SPAG9: variants seen among roughly 807,000 people sequenced by gnomAD.
SPAG9 encodes the protein sperm associated antigen 9.
A neutral mutation model predicts 166.5 loss-of-function variants in SPAG9; 35 were observed. That is an observed-to-expected ratio of 0.21 (90% CI 0.16 to 0.28). The LOEUF is 0.28. Ranked by LOEUF, SPAG9 falls within the 10% of genes least tolerant of loss-of-function variation. SPAG9 has a pLI of 1.00. For synonymous variants in SPAG9, 534 were observed against 565.5 expected (o/e 0.94, Z 0.79); for missense variants, 1,235 against 1,603.3 (o/e 0.77, Z 3.92).
rs2049456803 is a variant in SPAG9 at position 51,120,783 on chromosome 17, T to TGGGCCC, written c.-133_-128dup. On this transcript the variant is annotated 5_prime_UTR_variant, in exon 1 of 30. Transcript: ENST00000262013. This position sits in a 1 kb window ranked among gnomAD's most constrained non-coding sequence, Gnocchi z 4.7. ...CTGGAGCCCGGGCCGGGGCTGGGGCTGGGCCCGGCGGGGTGGGGGCCGGGG... is the reference window on the plus strand; with the variant it reads ...CTGGAGCCCGGGCCGGGGCTGGGGCTGGGCCCGGGCCCGGCGGGGTGGGGGCCGGGG... The TGGGCCC allele has an allele frequency of 1.4e-6, 1 of 731,186 alleles. No individual in the cohort carries two copies. Among genetic ancestry groups the TGGGCCC allele is most frequent in the East Asian group, 3.4e-5 (1 of 29,030 alleles). 45.3% of individuals were successfully genotyped at this position (731,186 alleles called of 1,614,324 possible).
Position 51,014,475 on chromosome 17 carries a change from A to G in SPAG9, c.1092-122T>C, listed in dbSNP as rs1051737084. On this transcript the variant is annotated intron_variant, in intron 8 of 29. Coordinates refer to ENST00000262013, the MANE Select transcript of SPAG9 (RefSeq NM_001130528.3). ...TTACCTATAATTTACGTTTACTAGA[A>G]AATATAACTTAAAAAGATTTCTCAA... 3.9e-6 allele frequency: 3 copies of G among 772,384 alleles called. No individual in the cohort carries two copies. In the African/African-American group the frequency reaches 5.4e-5, roughly 14 times the overall value. 47.8% of individuals were successfully genotyped at this position (772,384 alleles called of 1,614,324 possible). A position where few individuals can be genotyped will look rare whatever the true frequency, so the allele number is the denominator to read the frequency against.
intron 27 of SPAG9, chr17:50,976,538 T>C (rs938108390): frequency 6.5e-6 from 1 of 153,144 alleles, no homozygotes; most frequent in Non-Finnish European, 1.5e-5. Context: ...AACCATTCCC[T>C]GCCATGAATT....
At chr17:50,978,486 G>T (rs1974349732) in intron 26 of SPAG9, among the ~76,000 whole-genome samples, 1 of 152,182 alleles carries the variant, frequency 6.6e-6, no homozygotes, top group South Asian at 2.1e-4. Context: ...TAGGTCAGGT[G>T]CTAAAGATAG....
At chr17:50,982,470 G>T in intron 25 of SPAG9, 54 bp downstream of exon 25, 1 of 1,507,702 alleles carries the variant, frequency 6.6e-7, no homozygotes, top group Non-Finnish European at 9.0e-7. Flanking sequence ...TAGTCTAATA[G>T]TCTTCGGATA....
At position 50,989,848 on chromosome 17, in the gene SPAG9, A is replaced by G. The variant is rs375605862; in HGVS notation, c.2642T>C (p.Val881Ala). ...PPEMEAENSE[V>A]DENVPTAEEA... Reference sequence around the variant, plus strand: ...TTCTGCTGTTGGAACATTTTCATCAACCTCACTATTTTCTGCTTCCATTTC... The same window carrying G: ...TTCTGCTGTTGGAACATTTTCATCAGCCTCACTATTTTCTGCTTCCATTTC... The change falls in exon 21 of 30, where the codon GTT (valine) becomes GCT (alanine). Residue 881 changes from valine (V) to alanine (A), a missense_variant. Val to Ala is a moderately conservative substitution (Grantham distance 64). Transcript: ENST00000262013. 1.5e-5 allele frequency: 24 copies of G among 1,613,964 alleles called. No individual in the cohort carries two copies. The highest frequency in any genetic ancestry group is 8.9e-5 in the East Asian group (4 of 44,876).
chr17:51,084,953 C>A (rs1220302840), intron 1 of SPAG9, among the ~76,000 whole-genome samples: 1 of 152,078 alleles, frequency 6.6e-6, no homozygotes, highest in East Asian at 1.9e-4. Context: ...CAGGTTCAAG[C>A]AATTCTCGTG....
intron 25 of SPAG9, 52 bp downstream of exon 25, chr17:50,982,472 C>G: frequency 6.6e-7 from 1 of 1,524,244 alleles, no homozygotes; most frequent in Non-Finnish European, 8.9e-7. Context: ...GTCTAATAGT[C>G]TTCGGATAAT....
At chr17:51,031,532 G>A in intron 6 of SPAG9, 149 bp downstream of exon 6, 2 of 655,920 alleles carry the variant, frequency 3.0e-6, no homozygotes, top group Non-Finnish European at 5.4e-6. Context: ...CACTACAGTG[G>A]AAATAATTTT....
At chr17:51,102,504 G>A (rs1354913247) in intron 1 of SPAG9, among the ~76,000 whole-genome samples, 1 of 151,776 alleles carries the variant, frequency 6.6e-6, no homozygotes, top group African/African-American at 2.4e-5. Context: ...CATTTGTATG[G>A]AAATTTTTTT....
intron 5 of SPAG9, among the ~76,000 whole-genome samples, chr17:51,037,689 T>TATA (rs1568028348): frequency 7.3e-5 from 6 of 82,582 alleles, no homozygotes; most frequent in African/African-American, 1.7e-4. Context: ...ATATATAGTG[T>TATA]GTGTGTGTGT....
At chr17:51,083,963 T>C (rs2048240081) in intron 1 of SPAG9, among the ~76,000 whole-genome samples, 1 of 152,182 alleles carries the variant, frequency 6.6e-6, no homozygotes, top group Non-Finnish European at 1.5e-5. Context: ...CATTTCATAT[T>C]TGTGGGACTT....
At chr17:51,001,312 C>T (rs971768293) in intron 13 of SPAG9, among the ~76,000 whole-genome samples, 6 of 152,092 alleles carry the variant, frequency 3.9e-5, no homozygotes, top group African/African-American at 9.7e-5. Context: ...TTGGCATGAA[C>T]AGTTAGAAAA....
chr17:50,971,515 T>C (rs973346839), intron 28 of SPAG9, among the ~76,000 whole-genome samples: 4 of 132,990 alleles, frequency 3.0e-5, no homozygotes, highest in Admixed American at 2.6e-4. Flanking sequence ...TCGCCCAGGC[T>C]GGAGTGCAGT....
intron 2 of SPAG9, among the ~76,000 whole-genome samples, chr17:51,079,017 C>T (rs2048091409): frequency 6.6e-6 from 1 of 152,130 alleles, no homozygotes. Context: ...ATGTTAACTA[C>T]AAACAAAGGC....
chr17:51,098,522 C>T (rs2048707730), intron 1 of SPAG9, among the ~76,000 whole-genome samples: 1 of 152,044 alleles, frequency 6.6e-6, no homozygotes. Context: ...GACGGAGTTT[C>T]GCTCTTGTTG....
intron 6 of SPAG9, among the ~76,000 whole-genome samples, chr17:51,026,663 C>CTT (rs1395195215): frequency 1.4e-5 from 2 of 140,260 alleles, no homozygotes; most frequent in Non-Finnish European, 3.1e-5. Context: ...GAGCCCTTTT[C>CTT]TTTTTCTTTT....
intron 6 of SPAG9, among the ~76,000 whole-genome samples, chr17:51,029,304 T>G (rs974195590): frequency 6.6e-6 from 1 of 152,202 alleles, no homozygotes; most frequent in Admixed American, 6.5e-5. Flanking sequence ...CCCATCAGGA[T>G]GACCACTATC....
chr17:51,026,258 T>C (rs777634737), intron 6 of SPAG9, among the ~76,000 whole-genome samples: 26 of 149,546 alleles, frequency 1.7e-4, no homozygotes, highest in Non-Finnish European at 2.9e-4. Flanking sequence ...AATTCATTTG[T>C]GGATCTGGGA....
At position 51,005,197 on chromosome 17, in the gene SPAG9, A is replaced by G. The variant is rs754194436; in HGVS notation, c.1476+15T>C. ...ATGGTAAGGTAAGAAAAAAAGTCCA[A>G]AATTGTAAACCTACATCATCGTCAT... is the stretch of plus-strand genomic sequence containing the variant. On this transcript the variant is annotated intron_variant, in intron 12 of 29. Transcript: ENST00000262013. 6 of 1,613,256 alleles carry G rather than the reference A, an allele frequency of 3.7e-6. No homozygotes were observed. The highest frequency in any genetic ancestry group is 4.2e-6 in the Non-Finnish European group (5 of 1,179,502).
Sources: gnomAD v4.1 joint callset for allele counts (sites outside exome capture counted in the v4.1 genomes callset) on GRCh38, gnomAD v4.1.1 for gene constraint, Gnocchi (gnomAD v3.1) non-coding constraint, MANE v1.5 for transcripts, NCBI Gene and HGNC (gene_info 2026-07-23, HGNC 2026-07-21) for gene names.